KMT2A: variants seen among roughly 807,000 people sequenced by gnomAD.
KMT2A encodes the protein histone-lysine N-methyltransferase 2A.
In KMT2A, 16 loss-of-function variants were observed where a neutral mutation model predicts 345.3. The ratio of observed to expected loss-of-function variants is 0.05; its 90% CI spans 0.03 to 0.07. KMT2A has a LOEUF of 0.07. KMT2A is among the 10% of genes least tolerant of loss of function. The probability of loss-of-function intolerance (pLI) is 1.00; values close to 1 mark genes in which losing one functional copy is unlikely to be tolerated. For synonymous variants in KMT2A, 1,599 were observed against 1,778.6 expected (o/e 0.90, Z 2.54); for missense variants, 3,272 against 4,841.6 (o/e 0.68, Z 9.62).
chr11:118,447,640 A>T, intron 1 of KMT2A: 1 of 453,136 alleles, frequency 2.2e-6, no homozygotes, highest in Non-Finnish European at 4.4e-6. Flanking sequence ...TCAACTTAAA[A>T]GGGATGAGGA....
chr11:118,498,136 G>A lies in KMT2A; in HGVS notation c.5802+63G>A, dbSNP rs1555044590. ...CTCTCAGTTTCCAGATATTCTTCCTGTGGGTGAATATGGCCTCCCTGATAT... is the reference window on the plus strand; with the variant it reads ...CTCTCAGTTTCCAGATATTCTTCCTATGGGTGAATATGGCCTCCCTGATAT... On this transcript the variant is annotated intron_variant, in intron 21 of 35. Coordinates refer to ENST00000534358, the MANE Select transcript of KMT2A (RefSeq NM_001197104.2). This position sits in a 1 kb window ranked among gnomAD's most constrained non-coding sequence, Gnocchi z 4.4. 1 of 1,552,412 alleles carries A rather than the reference G, an allele frequency of 6.4e-7. No homozygotes were observed. Among genetic ancestry groups the A allele is most frequent in the Non-Finnish European group, 8.9e-7 (1 of 1,128,534 alleles).
chr11:118,524,710 G>GA lies in KMT2A; in HGVS notation c.*2550dup, dbSNP rs1233979281. The GA allele has an allele frequency of 0.022, 3,334 of 152,758 alleles. No homozygotes were observed. The highest frequency in any genetic ancestry group is 0.082 in the East Asian group (656 of 7,984). The allele number at this position is 152,758 out of a possible 1,614,324, so 9.5% of individuals were successfully genotyped here. On this transcript the variant is annotated 3_prime_UTR_variant, in exon 36 of 36. Coordinates refer to ENST00000534358, the MANE Select transcript of KMT2A (RefSeq NM_001197104.2). ...TCCTTGTATTCCTATTTTTTTTAAA[G>GA]AAAAAAAAAAAACCTTAAGCTGCAT...
chr11:118,458,966 C>A (rs936097191), intron 1 of KMT2A, among the ~76,000 whole-genome samples: 1 of 152,174 alleles, frequency 6.6e-6, no homozygotes, highest in Non-Finnish European at 1.5e-5. Context: ...TTTCAAAAAA[C>A]AAGTGCATCA....
In KMT2A at chr11:118,490,088, A is replaced by C; in HGVS notation, c.4576-41A>C. 2 of 1,583,090 alleles carry C rather than the reference A, an allele frequency of 1.3e-6. No homozygotes were observed. The highest frequency in any genetic ancestry group is 1.7e-6 in the Non-Finnish European group (2 of 1,167,956). On this transcript the variant is annotated intron_variant, in intron 12 of 35. Coordinates refer to ENST00000534358, the MANE Select transcript of KMT2A (RefSeq NM_001197104.2). The surrounding 1 kb of genome is among the most constrained non-coding windows in gnomAD (Gnocchi z 4.2). ...CTTTTTAGTTAAGTAAAGATATTAA[A>C]AACAAGAAATTCCTATTGAATTTCT...
At position 118,497,344 on chromosome 11, in the gene KMT2A, A is replaced by C. The variant is rs541230473; in HGVS notation, c.5665-592A>C. On this transcript the variant is annotated intron_variant, in intron 20 of 35. Transcript: ENST00000534358. This position sits in a 1 kb window ranked among gnomAD's most constrained non-coding sequence, Gnocchi z 4.8. ...CATCTGAGAGAACTGGCTTTGAAAT[A>C]CAGTTTATAGATGTCACTGCACATT... Among the ~76,000 whole-genome samples the C allele has an allele frequency of 6.6e-6, 1 of 152,154 alleles. No individual in the cohort carries two copies. The highest frequency in any genetic ancestry group is 6.5e-5 in the Admixed American group (1 of 15,274).
At position 118,436,782 on chromosome 11, in the gene KMT2A, G is replaced by T. The variant is rs781959322; in HGVS notation, c.270G>T (p.Ser90=). Residue 90 remains serine (S), a synonymous_variant, in exon 1 of 36, where the codon TCG becomes TCT. Transcript: ENST00000534358. This position sits in a 1 kb window ranked among gnomAD's most constrained non-coding sequence, Gnocchi z 6.9. ...CAGCAGCCTCCTCGTCGTCCGCCTC[G>T]TCTTCGTCTTCGTCATCGTCCTCAG... is the stretch of plus-strand genomic sequence containing the variant. ...AASAASSSSA[S]SSSSSSSSAS... is the part of the protein sequence containing the mutation. 2 of 1,605,162 alleles carry T rather than the reference G, an allele frequency of 1.2e-6. No individual in the cohort carries two copies. Among genetic ancestry groups the T allele is most frequent in the Non-Finnish European group, 1.7e-6 (2 of 1,176,188 alleles).
In KMT2A at chr11:118,476,745, C is replaced by T. The variant is rs1264962412; in HGVS notation, c.3157-60C>T. On this transcript the variant is annotated intron_variant, in intron 3 of 35. Coordinates refer to ENST00000534358, the MANE Select transcript of KMT2A (RefSeq NM_001197104.2). The surrounding 1 kb of genome is among the most constrained non-coding windows in gnomAD (Gnocchi z 4.1). ...AAATTGATTAAGTATACCTTGGCTT[C>T]GTTCAGTTATAATTTCAACATGTAT... 2.2e-5 allele frequency: 31 copies of T among 1,412,656 alleles called. No homozygotes were observed. The East Asian group carries it at 4.9e-4, about 22-fold the overall frequency. The allele number at this position is 1,412,656 out of a possible 1,614,324, so 87.5% of individuals were successfully genotyped here. A position where few individuals can be genotyped will look rare whatever the true frequency, so the allele number is the denominator to read the frequency against.
In KMT2A at chr11:118,526,466, G is replaced by T. The variant is rs1951083821; in HGVS notation, c.*4294G>T. 1 of 229,150 alleles carries T rather than the reference G, an allele frequency of 4.4e-6. No individual in the cohort carries two copies. Among genetic ancestry groups the T allele is most frequent in the Non-Finnish European group, 8.6e-6 (1 of 115,804 alleles). The allele number at this position is 229,150 out of a possible 1,614,324, so 14.2% of individuals were successfully genotyped here. The stretch of plus-strand genomic sequence containing the variant: ...ACAGGTAGTTGAATAATTGTTTCAA[G>T]AGCTCAACAGATGACAAGCTTCTTT... On this transcript the variant is annotated 3_prime_UTR_variant, in exon 36 of 36. Coordinates refer to ENST00000534358, the MANE Select transcript of KMT2A (RefSeq NM_001197104.2).
chr11:118,498,851 C>G lies in KMT2A; in HGVS notation c.5961+323C>G, dbSNP rs1162941373. On this transcript the variant is annotated intron_variant, in intron 22 of 35. Coordinates refer to ENST00000534358, the MANE Select transcript of KMT2A (RefSeq NM_001197104.2). This position sits in a 1 kb window ranked among gnomAD's most constrained non-coding sequence, Gnocchi z 4.4. ...TATACCATCATATGGAGTATTTTCG[C>G]TGCCTTAAACATCCTCTGTGCTCTG... is the stretch of plus-strand genomic sequence containing the variant. Among the ~76,000 whole-genome samples the G allele has an allele frequency of 6.6e-6, 1 of 152,194 alleles. No homozygotes were observed. Among genetic ancestry groups the G allele is most frequent in the Non-Finnish European group, 1.5e-5 (1 of 68,036 alleles).
At chr11:118,517,408 A>AAAAG (rs1950843232) in intron 31 of KMT2A, among the ~76,000 whole-genome samples, 1 of 151,528 alleles carries the variant, frequency 6.6e-6, no homozygotes, top group African/African-American at 2.4e-5. Context: ...AAAAAAAAAA[A>AAAAG]AAAAGAAAAG....
chr11:118,514,334 C>T (rs991673918), intron 31 of KMT2A, among the ~76,000 whole-genome samples: 2 of 152,170 alleles, frequency 1.3e-5, no homozygotes, highest in African/African-American at 2.4e-5. Context: ...CCTCTTCAGC[C>T]GGATTCATCT....
At position 118,502,882 on chromosome 11, in the gene KMT2A, A is replaced by C; in HGVS notation, c.6990A>C (p.Gly2330=). 6.2e-7 allele frequency: 1 copy of C among 1,614,182 alleles called. No individual in the cohort carries two copies. The highest frequency in any genetic ancestry group is 8.5e-7 in the Non-Finnish European group (1 of 1,180,032). ...EGSAHNVAYP[G]IPKLAPQVHN... is the part of the protein sequence containing the mutation. ...CTGCACATAATGTGGCTTACCCTGG[A>C]ATTCCTAAACTGGCCCCACAGGTTC... The change falls in exon 27 of 36, where the codon GGA becomes GGC. Residue 2330 remains glycine (G), a synonymous_variant. Transcript: ENST00000534358. The surrounding 1 kb of genome is among the most constrained non-coding windows in gnomAD (Gnocchi z 4.9).
chr11:118,512,239 AT>A, intron 31 of KMT2A: 1 of 576,072 alleles, frequency 1.7e-6, no homozygotes, highest in Non-Finnish European at 3.1e-6. Context: ...CCACTACTCT[AT>A]AATTCTAGAA....
Position 118,471,735 on chromosome 11 carries a change from T to C in KMT2A, c.576T>C (p.Asp192=). Residue 192 remains aspartate, a synonymous_variant, in exon 3 of 36, where the codon GAT becomes GAC. Coordinates refer to ENST00000534358, the MANE Select transcript of KMT2A (RefSeq NM_001197104.2). ...ACCGAAATTCAGCTATCCTCTCAGA[T>C]CCATCTGTGTTTTCCCCTCTAAATA... ...GSDRNSAILS[D]PSVFSPLNKS... 1.2e-6 allele frequency: 2 copies of C among 1,612,086 alleles called. No individual in the cohort carries two copies. The highest frequency in any genetic ancestry group is 1.7e-6 in the Non-Finnish European group (2 of 1,179,508).
Position 118,484,843 on chromosome 11 carries a change from G to A in KMT2A, c.4219-19G>A. The A allele has an allele frequency of 6.5e-7, 1 of 1,549,762 alleles. No homozygotes were observed. ...GTGTAATTGTAAAACTTTCCTAAGT[G>A]ACCTTTCTCTCTCCACAGGAGGATT... On this transcript the variant is annotated intron_variant, in intron 9 of 35. Transcript: ENST00000534358. The surrounding 1 kb of genome is among the most constrained non-coding windows in gnomAD (Gnocchi z 4.1).
At chr11:118,483,959 AAGGTCTAG>A (rs1950186890) in intron 8 of KMT2A, among the ~76,000 whole-genome samples, 1 of 152,114 alleles carries the variant, frequency 6.6e-6, no homozygotes, top group African/African-American at 2.4e-5. Context: ...ACGAGCCCAC[AAGGTCTAG>A]GCTGCAGTGA....
chr11:118,515,875 AC>A (rs1950803123), intron 31 of KMT2A, among the ~76,000 whole-genome samples: 1 of 151,706 alleles, frequency 6.6e-6, no homozygotes, highest in Non-Finnish European at 1.5e-5. Context: ...TTTAGTAGAG[AC>A]GGGATTTCAC....
chr11:118,480,675 T>C (rs1950115238), intron 6 of KMT2A, among the ~76,000 whole-genome samples: 1 of 152,050 alleles, frequency 6.6e-6, no homozygotes, highest in Non-Finnish European at 1.5e-5. Context: ...TATTTATTTG[T>C]TTATTGAGAC....
At chr11:118,441,601 A>G (rs1302734759) in intron 1 of KMT2A, among the ~76,000 whole-genome samples, 2 of 152,208 alleles carry the variant, frequency 1.3e-5, no homozygotes, top group Non-Finnish European at 2.9e-5. Flanking sequence ...TTGAATGAAA[A>G]GAAAAATCCA....
Sources: gnomAD v4.1 joint callset for allele counts (sites outside exome capture counted in the v4.1 genomes callset) on GRCh38, gnomAD v4.1.1 for gene constraint, Gnocchi (gnomAD v3.1) non-coding constraint, MANE v1.5 for transcripts, NCBI Gene and HGNC (gene_info 2026-07-23, HGNC 2026-07-21) for gene names.